The following PCDHGA4 variants were observed in gnomAD, a reference collection of about 807,000 sequenced individuals.
The protein encoded by PCDHGA4 is protocadherin gamma subfamily A, 4.
Under a neutral mutation model 54.6 loss-of-function variants are expected in PCDHGA4, and 38 were observed. The ratio of observed to expected loss-of-function variants is 0.70; its 90% CI spans 0.54 to 0.91. The LOEUF (loss-of-function observed/expected upper bound fraction) is 0.91. Among genes scored for constraint, PCDHGA4 ranks in the 40% least tolerant of loss-of-function variants. PCDHGA4 has a pLI of 0.00. For missense variants in PCDHGA4, 1,298 were observed against 1,220.9 expected (o/e 1.06, Z -0.94); for synonymous variants, 511 against 512.9 (o/e 1.00, Z 0.05).
At chr5:141,376,499 C>G (rs1320027285) in intron 1 of PCDHGA4, 3 of 1,614,146 alleles carry the variant, frequency 1.9e-6, no homozygotes, top group Admixed American at 1.7e-5. Flanking sequence ...AGAACCCAGG[C>G]AACTTCAGGT....
At chr5:141,378,646 T>C (rs1429624109) in intron 1 of PCDHGA4, 2 of 152,184 alleles carry the variant, frequency 1.3e-5, no homozygotes. Flanking sequence ...GGAGAACAAA[T>C]GTTAATGAGG....
At chr5:141,437,195 A>G (rs2097867163) in intron 1 of PCDHGA4, among the ~76,000 whole-genome samples, 2 of 152,180 alleles carry the variant, frequency 1.3e-5, no homozygotes, top group African/African-American at 4.8e-5. Context: ...ATGGGTTTGG[A>G]TGTGTTTACA....
intron 1 of PCDHGA4, chr5:141,360,053 A>G: frequency 6.9e-7 from 1 of 1,439,336 alleles, no homozygotes; most frequent in Non-Finnish European, 9.2e-7. Flanking sequence ...AAACAAAAGC[A>G]GGAAAAGTGA....
intron 1 of PCDHGA4, chr5:141,371,563 T>G: frequency 6.2e-7 from 1 of 1,613,806 alleles, no homozygotes; most frequent in Non-Finnish European, 8.5e-7. Context: ...AAAGGAAACT[T>G]CCCCTTTAAA....
Position 141,486,335 on chromosome 5 carries a change from C to T in PCDHGA4, c.2515-8472C>T, listed in dbSNP as rs762408704. ...AGGGTCAAACGGAGATGTGAGCCTC[C>T]GCATTCCTGACCACTTGCCATTTGC... On this transcript the variant is annotated intron_variant, in intron 1 of 3. Transcript: ENST00000571252. The surrounding 1 kb of genome is among the most constrained non-coding windows in gnomAD (Gnocchi z 5.0). 6.2e-6 allele frequency: 10 copies of T among 1,613,936 alleles called. No individual in the cohort carries two copies. Among genetic ancestry groups the T allele is most frequent in the Middle Eastern group, 1.6e-4 (1 of 6,082 alleles).
At chr5:141,472,884 G>A (rs1426207609) in intron 1 of PCDHGA4, among the ~76,000 whole-genome samples, 2 of 151,610 alleles carry the variant, frequency 1.3e-5, no homozygotes, top group African/African-American at 4.8e-5. Flanking sequence ...TACTCGGGAG[G>A]CTGAGGCAGG....
At chr5:141,399,662 C>G (rs759226157) in intron 1 of PCDHGA4, 1 of 1,613,666 alleles carries the variant, frequency 6.2e-7, no homozygotes, top group South Asian at 1.1e-5. Context: ...GTGGTGTTCG[C>G]GCAGCGCGCC....
rs369129764 is a variant in PCDHGA4, at chr5:141,357,546, G to C, written c.2439G>C (p.Arg813=). ...GCTATGCAGACACGCTCATCAGCCG[G>C]GAGAGTTGTGAGAAAAGCGAGCCTC... The part of the protein sequence containing the change: ...QPSYADTLIS[R]ESCEKSEPLL... The change falls in exon 1 of 4, where the codon CGG becomes CGC. Residue 813 remains arginine, a synonymous_variant. Coordinates refer to ENST00000571252, the MANE Select transcript of PCDHGA4 (RefSeq NM_018917.4). The C allele has an allele frequency of 2.6e-4, 415 of 1,614,182 alleles. 2 individuals are homozygous for C. The African/African-American group carries it at 4.6e-3, about 18-fold the overall frequency.
intron 1 of PCDHGA4, among the ~76,000 whole-genome samples, chr5:141,442,879 A>T (rs1399128822): frequency 6.6e-6 from 1 of 152,256 alleles, no homozygotes; most frequent in Non-Finnish European, 1.5e-5. Flanking sequence ...TTTACAACTC[A>T]GAATCCCTGC....
intron 1 of PCDHGA4, chr5:141,372,736 T>C (rs1303541912): frequency 1.9e-6 from 3 of 1,613,276 alleles, no homozygotes; most frequent in African/African-American, 2.7e-5. Context: ...CAAGATCTTC[T>C]ATGTGATGAA....
At position 141,512,280 on chromosome 5, in the gene PCDHGA4, TGGAAGGGTCAGC is replaced by T. The variant is rs1187119941; in HGVS notation, c.*1111_*1122del. The T allele has an allele frequency of 1.3e-5, 2 of 152,682 alleles. No individual in the cohort carries two copies. Among genetic ancestry groups the T allele is most frequent in the African/African-American group, 2.4e-5 (1 of 41,396 alleles). 9.5% of individuals were successfully genotyped at this position (152,682 alleles called of 1,614,324 possible). ...CTGGGTACTCCAGAGGTGCCACTGGTGGAAGGGTCAGCGGAGCCCCAGCAGGAAGGGTGGGCC... is the reference window on the plus strand; with the variant it reads ...CTGGGTACTCCAGAGGTGCCACTGGTGGAGCCCCAGCAGGAAGGGTGGGCC... On this transcript the variant is annotated 3_prime_UTR_variant, in exon 4 of 4. Transcript: ENST00000571252.
intron 1 of PCDHGA4, among the ~76,000 whole-genome samples, chr5:141,472,980 C>CAAA (rs60579131): frequency 5.8e-5 from 5 of 86,104 alleles, no homozygotes; most frequent in Non-Finnish European, 1.0e-4. Context: ...GAGTGAAACT[C>CAAA]AAAAAAAAAA....
At chr5:141,424,129 T>G in intron 1 of PCDHGA4, 1 of 492,066 alleles carries the variant, frequency 2.0e-6, no homozygotes, top group Non-Finnish European at 2.7e-6. Context: ...TCCTGTTGAT[T>G]TAATAGCATG....
rs2099713635 is a variant in PCDHGA4, at chr5:141,491,418, T to C, written c.2515-3389T>C. The C allele has an allele frequency of 6.2e-7, 1 of 1,613,796 alleles. No individual in the cohort carries two copies. Among genetic ancestry groups the C allele is most frequent in the Non-Finnish European group, 8.5e-7 (1 of 1,179,944 alleles). On this transcript the variant is annotated intron_variant, in intron 1 of 3. Transcript: ENST00000571252. The surrounding 1 kb of genome is among the most constrained non-coding windows in gnomAD (Gnocchi z 6.9). The stretch of plus-strand genomic sequence containing the variant: ...AGGGAAACGCAGACGGGGACGGGGG[T>C]GGAGGGCAGTGCTGCAGGCGCCAGG...
chr5:141,509,691 AC>A (rs1471858383), intron 3 of PCDHGA4, among the ~76,000 whole-genome samples: 5 of 152,064 alleles, frequency 3.3e-5, no homozygotes, highest in African/African-American at 1.2e-4. Flanking sequence ...GTACAGTGGG[AC>A]GTTGGACTGG....
At chr5:141,366,185 G>A in intron 1 of PCDHGA4, 1 of 1,614,010 alleles carries the variant, frequency 6.2e-7, no homozygotes, top group Admixed American at 1.7e-5. Flanking sequence ...ACTCTTTGCG[G>A]TTGGGCTGCA....
intron 1 of PCDHGA4, among the ~76,000 whole-genome samples, chr5:141,464,402 G>T (rs900750443): frequency 6.6e-6 from 1 of 150,722 alleles, no homozygotes; most frequent in African/African-American, 2.4e-5. Context: ...AAGAACCTGA[G>T]ATATATATAT....
chr5:141,438,700 AC>A (rs2098052453), intron 1 of PCDHGA4, among the ~76,000 whole-genome samples: 1 of 144,406 alleles, frequency 6.9e-6, no homozygotes, highest in Non-Finnish European at 1.5e-5. Context: ...TTGCTCTGTC[AC>A]CCAGGCTGGA....
In PCDHGA4 at chr5:141,476,499, TC is replaced by T; in HGVS notation, c.2515-18307del. 1 of 1,614,110 alleles carries T rather than the reference TC, an allele frequency of 6.2e-7. No individual in the cohort carries two copies. Among genetic ancestry groups the T allele is most frequent in the Non-Finnish European group, 8.5e-7 (1 of 1,180,020 alleles). ...AGCGTGGAAGTGGTGATCCAGGACATCAACGACAACAATCCTGCTTTCCCTA... is the reference window on the plus strand; with the variant it reads ...AGCGTGGAAGTGGTGATCCAGGACATAACGACAACAATCCTGCTTTCCCTA... On this transcript the variant is annotated intron_variant, in intron 1 of 3. Transcript: ENST00000571252. The surrounding 1 kb of genome is among the most constrained non-coding windows in gnomAD (Gnocchi z 7.6).
Sources: gnomAD v4.1 joint callset for allele counts (sites outside exome capture counted in the v4.1 genomes callset) on GRCh38, gnomAD v4.1.1 for gene constraint, Gnocchi (gnomAD v3.1) non-coding constraint, MANE v1.5 for transcripts, NCBI Gene and HGNC (gene_info 2026-07-23, HGNC 2026-07-21) for gene names.